ZC3H12B: variants seen among roughly 807,000 people sequenced by gnomAD.
ZC3H12B encodes the protein zinc finger CCCH-type containing 12B.
In ZC3H12B, 7 loss-of-function variants were observed where a neutral mutation model predicts 43.9. That is an observed-to-expected ratio of 0.16 (90% CI 0.09 to 0.30). ZC3H12B has a LOEUF of 0.30. Among genes scored for constraint, ZC3H12B ranks in the 10% least tolerant of loss-of-function variants. ZC3H12B has a pLI of 1.00. For missense variants in ZC3H12B, 475 were observed against 670.2 expected, an observed-to-expected ratio of 0.71 and a Z score of 3.22; for synonymous variants, 222 against 241.7, an observed-to-expected ratio of 0.92 and a Z score of 0.76.
At chrX:65,376,298 C>A (rs969847688) in intron 2 of ZC3H12B, among the ~76,000 whole-genome samples, 8 of 112,043 alleles carry the variant, frequency 7.1e-5, no homozygotes, top group Non-Finnish European at 1.3e-4. Context: ...TGACTCTAGT[C>A]TTTGGTGGCT....
intron 3 of ZC3H12B, among the ~76,000 whole-genome samples, chrX:65,451,945 G>T (rs895146578): frequency 8.9e-6 from 1 of 111,851 alleles, no homozygotes; most frequent in Non-Finnish European, 1.9e-5. Context: ...TTATGGAGAG[G>T]CTTTATTGAT....
the ZC3H12B span, among the ~76,000 whole-genome samples, chrX:65,134,771 G>GTT: frequency 9.0e-5 from 10 of 111,623 alleles, no homozygotes; most frequent in East Asian, 2.8e-3. Context: ...CAACAAGGCT[G>GTT]TTTATTTCAC....
chrX:65,173,211 G>T, the ZC3H12B span, among the ~76,000 whole-genome samples: 2 of 111,636 alleles, frequency 1.8e-5, no homozygotes, highest in Non-Finnish European at 3.8e-5. Flanking sequence ...CTCATGATTT[G>T]TCTGTCTGCT....
chrX:65,078,773 G>A, the ZC3H12B span, among the ~76,000 whole-genome samples: 1 of 110,737 alleles, frequency 9.0e-6, no homozygotes, highest in African/African-American at 3.3e-5. Flanking sequence ...TATAGTAATG[G>A]GGTACATGAG....
the ZC3H12B span, among the ~76,000 whole-genome samples, chrX:65,117,329 C>T: frequency 2.7e-5 from 3 of 112,229 alleles, no homozygotes; most frequent in Non-Finnish European, 5.6e-5. Context: ...AACATTTTTT[C>T]ATGTCTCTGT....
chrX:65,141,122 G>A, the ZC3H12B span, among the ~76,000 whole-genome samples: 1 of 109,434 alleles, frequency 9.1e-6, no homozygotes, highest in African/African-American at 3.3e-5. Flanking sequence ...TCTTCTTCTA[G>A]CTCCTTGAGG....
the ZC3H12B span, among the ~76,000 whole-genome samples, chrX:65,321,865 G>A: frequency 2.7e-5 from 3 of 110,498 alleles, no homozygotes; most frequent in Non-Finnish European, 5.7e-5. Flanking sequence ...CACAAAGAAG[G>A]GAGCAATATC....
the ZC3H12B span, among the ~76,000 whole-genome samples, chrX:65,121,197 A>G: frequency 3.6e-5 from 4 of 111,341 alleles, no homozygotes; most frequent in Admixed American, 3.8e-4. Context: ...CTCTTTTTCC[A>G]TTGATTGGAA....
intron 3 of ZC3H12B, among the ~76,000 whole-genome samples, chrX:65,435,792 T>G (rs1277355290): frequency 9.0e-6 from 1 of 111,551 alleles, no homozygotes; most frequent in Non-Finnish European, 1.9e-5. Context: ...GTATGTGAGC[T>G]AGAGAACCAG....
At chrX:65,168,888 C>A in the ZC3H12B span, among the ~76,000 whole-genome samples, 1 of 110,844 alleles carries the variant, frequency 9.0e-6, no homozygotes, top group South Asian at 3.8e-4. Context: ...TGGTGATATC[C>A]CCTTTATCAT....
chrX:65,122,519 A>G, the ZC3H12B span, among the ~76,000 whole-genome samples: 1 of 111,448 alleles, frequency 9.0e-6, no homozygotes, highest in Non-Finnish European at 1.9e-5. Context: ...GACAGGATCA[A>G]ATTCACACAT....
chrX:65,113,985 G>GTATGTATATATATA, the ZC3H12B span, among the ~76,000 whole-genome samples: 1 of 47,475 alleles, frequency 2.1e-5, no homozygotes, highest in Non-Finnish European at 4.3e-5. Context: ...AGATATGCTT[G>GTATGTATATATATA]TATATATATA....
At chrX:65,447,617 C>T (rs2067395844) in intron 3 of ZC3H12B, among the ~76,000 whole-genome samples, 1 of 111,921 alleles carries the variant, frequency 8.9e-6, no homozygotes, top group African/African-American at 3.2e-5. Context: ...AAAGCTTCTT[C>T]ACAGCAAAAG....
chrX:65,349,588 A>G, the ZC3H12B span, among the ~76,000 whole-genome samples: 1 of 111,815 alleles, frequency 8.9e-6, no homozygotes, highest in Non-Finnish European at 1.9e-5. Context: ...TGTTTTTTGA[A>G]AAGATCAACA....
the ZC3H12B span, among the ~76,000 whole-genome samples, chrX:65,212,152 T>C: frequency 1.9e-5 from 1 of 52,484 alleles, no homozygotes; most frequent in Non-Finnish European, 3.1e-5. Flanking sequence ...ATTAACATTA[T>C]ATTAGTATAT....
At chrX:65,176,258 T>G in the ZC3H12B span, among the ~76,000 whole-genome samples, 1 of 110,593 alleles carries the variant, frequency 9.0e-6, no homozygotes, top group Non-Finnish European at 1.9e-5. Flanking sequence ...CCTCACAGTG[T>G]AAAGAAAGCC....
At chrX:65,138,171 A>G in the ZC3H12B span, among the ~76,000 whole-genome samples, 1 of 112,422 alleles carries the variant, frequency 8.9e-6, no homozygotes, top group African/African-American at 3.2e-5. Context: ...AAGTTGTATA[A>G]TAGATCTCTT....
intron 2 of ZC3H12B, among the ~76,000 whole-genome samples, chrX:65,383,487 T>A (rs1376262460): frequency 9.0e-6 from 1 of 111,679 alleles, no homozygotes; most frequent in African/African-American, 3.3e-5. Flanking sequence ...TTTGACCTAA[T>A]ACCATAAAAA....
At chrX:65,264,738 G>A in the ZC3H12B span, among the ~76,000 whole-genome samples, 24 of 111,543 alleles carry the variant, frequency 2.2e-4, no homozygotes, top group East Asian at 3.6e-3. Context: ...AATAGTAAAA[G>A]CAAGTCTTGT....
Sources: allele counts gnomAD v4.1 joint callset (sites outside exome capture counted in the v4.1 genomes callset), GRCh38; gene constraint gnomAD v4.1.1; transcripts MANE v1.5; gene names NCBI Gene and HGNC (gene_info 2026-07-23, HGNC 2026-07-21).